The following SPTBN1 variants were observed in gnomAD, a reference collection of about 807,000 sequenced individuals.
SPTBN1 encodes the protein spectrin beta, non-erythrocytic 1.
A neutral mutation model predicts 266.4 loss-of-function variants in SPTBN1; 32 were observed. The observed-to-expected ratio is 0.12, with a 90% CI of 0.09 to 0.16. The LOEUF is 0.16. SPTBN1 is among the 10% of genes least tolerant of loss of function. SPTBN1 has a pLI of 1.00. For synonymous variants in SPTBN1, 1,336 were observed against 1,162.2 expected (o/e 1.15, Z -3.04); for missense variants, 2,296 against 3,067.1 (o/e 0.75, Z 5.94).
At chr2:54,630,408 T>G (rs991592965) in intron 15 of SPTBN1, among the ~76,000 whole-genome samples, 6 of 152,244 alleles carry the variant, frequency 3.9e-5, no homozygotes, top group African/African-American at 1.4e-4. Flanking sequence ...AAGTCCTGAT[T>G]GTCAGGGCAG....
chr2:54,637,954 C>G, intron 18 of SPTBN1, 151 bp downstream of exon 18: 1 of 626,722 alleles, frequency 1.6e-6, no homozygotes, highest in Non-Finnish European at 2.8e-6. Context: ...CGTGGCACTT[C>G]ATCAGTTCTC....
At chr2:54,500,818 G>T (rs1669219846) in intron 1 of SPTBN1, among the ~76,000 whole-genome samples, 1 of 152,188 alleles carries the variant, frequency 6.6e-6, no homozygotes, top group Admixed American at 6.5e-5. Context: ...GATTATAGGT[G>T]TGAGTCACTG....
chr2:54,549,709 A>ATT (rs1295088979), intron 2 of SPTBN1, among the ~76,000 whole-genome samples: 11 of 152,186 alleles, frequency 7.2e-5, no homozygotes, highest in Non-Finnish European at 1.3e-4. Flanking sequence ...AGAAGGAGCC[A>ATT]TCATCCCAGC....
intron 1 of SPTBN1, among the ~76,000 whole-genome samples, chr2:54,487,857 T>A (rs1379016843): frequency 6.9e-6 from 1 of 143,962 alleles, no homozygotes; most frequent in Non-Finnish European, 1.5e-5. Context: ...TGAGACGGAG[T>A]CTTGCTCTGT....
At chr2:54,620,938 T>G (rs1316173683) in intron 7 of SPTBN1, among the ~76,000 whole-genome samples, 1 of 152,156 alleles carries the variant, frequency 6.6e-6, no homozygotes, top group Non-Finnish European at 1.5e-5. Context: ...AGGGAGCCAT[T>G]GTTTCAGGGC....
chr2:54,491,442 A>G (rs2104017125), intron 1 of SPTBN1, among the ~76,000 whole-genome samples: 1 of 152,346 alleles, frequency 6.6e-6, no homozygotes, highest in East Asian at 1.9e-4. Flanking sequence ...ATTCTTGGTC[A>G]TCTTATGTAA....
At chr2:54,467,352 C>T (rs1280022706) in intron 1 of SPTBN1, among the ~76,000 whole-genome samples, 1 of 151,968 alleles carries the variant, frequency 6.6e-6, no homozygotes, top group Admixed American at 6.6e-5. Flanking sequence ...GATGTTTAAA[C>T]ATTTTCCACG....
At chr2:54,507,390 A>G (rs1351277043) in intron 1 of SPTBN1, among the ~76,000 whole-genome samples, 2 of 152,120 alleles carry the variant, frequency 1.3e-5, no homozygotes, top group East Asian at 1.9e-4. Flanking sequence ...ATAATGGGCA[A>G]TGTTTCTCAG....
At chr2:54,526,052 T>C (rs1244886207) in intron 1 of SPTBN1, among the ~76,000 whole-genome samples, 2 of 152,246 alleles carry the variant, frequency 1.3e-5, no homozygotes, top group African/African-American at 4.8e-5. Flanking sequence ...ATTTTTAAAT[T>C]GCAGAGTTTA....
At chr2:54,617,494 A>G in intron 5 of SPTBN1, 114 bp from the exon 6 acceptor site, 1 of 838,850 alleles carries the variant, frequency 1.2e-6, no homozygotes, top group Non-Finnish European at 1.9e-6. Flanking sequence ...AGTGATATTC[A>G]CTGCTTTAGG....
At chr2:54,536,348 C>T (rs1374077718) in intron 2 of SPTBN1, among the ~76,000 whole-genome samples, 4 of 152,188 alleles carry the variant, frequency 2.6e-5, no homozygotes, top group Admixed American at 6.5e-5. Context: ...AACAGTGCAA[C>T]GCAGCTCTCT....
intron 1 of SPTBN1, among the ~76,000 whole-genome samples, chr2:54,462,100 CCA>C (rs1693396797): frequency 6.6e-6 from 1 of 152,148 alleles, no homozygotes. Flanking sequence ...TTACTCAAGA[CCA>C]CAGTTTCCTC....
In SPTBN1 at chr2:54,491,338, A is replaced by G. The variant is rs76964383; in HGVS notation, c.-48+34820A>G. ...GAAGGTCACATTTTCTCTTTCGACC[A>G]TTCTACACTTAGGTAGAAAAAAATT... On this transcript the variant is annotated intron_variant, in intron 1 of 35. Coordinates refer to ENST00000356805, the MANE Select transcript of SPTBN1 (RefSeq NM_003128.3). 6.2e-3 allele frequency among the ~76,000 whole-genome samples: 945 copies of G among 152,330 alleles called. 14 individuals are homozygous for G. Among genetic ancestry groups the G allele is most frequent in the African/African-American group, 0.022 (896 of 41,576 alleles).
rs548008833 is a variant in SPTBN1 at position 54,626,399 on chromosome 2, G to A, written c.1644+165G>A. On this transcript the variant is annotated intron_variant, in intron 12 of 35. Transcript: ENST00000356805. This position sits in a 1 kb window ranked among gnomAD's most constrained non-coding sequence, Gnocchi z 4.7. ...ACCCATGGGAAGATTGCTAGCTCAG[G>A]AATTAAATGAGACGTGAAGTGTGAA... 6.6e-6 allele frequency among the ~76,000 whole-genome samples: 1 copy of A among 152,362 alleles called. No individual in the cohort carries two copies. The highest frequency in any genetic ancestry group is 2.4e-5 in the African/African-American group (1 of 41,594).
intron 1 of SPTBN1, among the ~76,000 whole-genome samples, chr2:54,498,849 G>A (rs528876890): frequency 6.6e-6 from 1 of 152,312 alleles, no homozygotes; most frequent in East Asian, 1.9e-4. Flanking sequence ...TTGGTGCATA[G>A]AGACTTGATT....
intron 1 of SPTBN1, among the ~76,000 whole-genome samples, chr2:54,458,893 G>A (rs546353007): frequency 6.6e-6 from 1 of 152,336 alleles, no homozygotes; most frequent in Admixed American, 6.5e-5. Context: ...CAAGTTAGTT[G>A]CTTTTGATTT....
intron 4 of SPTBN1, among the ~76,000 whole-genome samples, chr2:54,614,320 T>G (rs1677432699): frequency 6.6e-6 from 1 of 152,194 alleles, no homozygotes; most frequent in African/African-American, 2.4e-5. Context: ...CTTCCCTGTG[T>G]ACCTACAACG....
At chr2:54,506,683 C>G (rs1309113036) in intron 1 of SPTBN1, among the ~76,000 whole-genome samples, 1 of 152,018 alleles carries the variant, frequency 6.6e-6, no homozygotes, top group Non-Finnish European at 1.5e-5. Context: ...GAGAGAAATA[C>G]CCAATAGTTC....
chr2:54,589,405 C>G (rs940151861), intron 2 of SPTBN1, among the ~76,000 whole-genome samples: 1 of 152,152 alleles, frequency 6.6e-6, no homozygotes, highest in African/African-American at 2.4e-5. Flanking sequence ...GGGGTTGTGC[C>G]GCTCAGAAGA....
Sources: allele counts gnomAD v4.1 joint callset (sites outside exome capture counted in the v4.1 genomes callset), GRCh38; gene constraint gnomAD v4.1.1; non-coding constraint Gnocchi (gnomAD v3.1); transcripts MANE v1.5; gene names NCBI Gene and HGNC (gene_info 2026-07-23, HGNC 2026-07-21).